ASH1L: variants seen among roughly 807,000 people sequenced by gnomAD.
ASH1L encodes ASH1 like histone lysine methyltransferase.
In ASH1L, 23 loss-of-function variants were observed where a neutral mutation model predicts 269.0. That is an observed-to-expected ratio of 0.09 (90% CI 0.06 to 0.12). The LOEUF (loss-of-function observed/expected upper bound fraction) is 0.12, where lower values mean the gene tolerates loss of function less well. ASH1L is among the 10% of genes least tolerant of loss of function. The probability of loss-of-function intolerance (pLI) is 1.00; values close to 1 mark genes in which losing one functional copy is unlikely to be tolerated. For missense variants in ASH1L, 2,912 were observed against 3,567.8 expected (o/e 0.82, Z 4.68); for synonymous variants, 1,187 against 1,253.5 (o/e 0.95, Z 1.12).
At chr1:155,433,089 A>C in intron 5 of ASH1L, 1 of 1,285,036 alleles carries the variant, frequency 7.8e-7, no homozygotes, top group Non-Finnish European at 1.1e-6. Flanking sequence ...TTAAACTGCT[A>C]TGACAGAGAT....
intron 1 of ASH1L, among the ~76,000 whole-genome samples, chr1:155,532,305 G>A (rs77089794): frequency 0.058 from 8,769 of 152,030 alleles, 853 homozygotes; most frequent in African/African-American, 0.2. Flanking sequence ...CTAACCATAT[G>A]TTTTTTAAAA....
chr1:155,432,318 T>C (rs1332518125), intron 5 of ASH1L, among the ~76,000 whole-genome samples: 1 of 152,162 alleles, frequency 6.6e-6, no homozygotes, highest in Non-Finnish European at 1.5e-5. Context: ...ACTAAGTTAG[T>C]TATTTCTATT....
At chr1:155,444,487 T>C (rs939397075) in intron 4 of ASH1L, among the ~76,000 whole-genome samples, 1 of 152,236 alleles carries the variant, frequency 6.6e-6, no homozygotes, top group African/African-American at 2.4e-5. Context: ...ATGTTGAGCA[T>C]ATTTTCATGA....
At chr1:155,510,363 G>A (rs1242395765) in intron 2 of ASH1L, among the ~76,000 whole-genome samples, 1 of 139,212 alleles carries the variant, frequency 7.2e-6, no homozygotes, top group African/African-American at 2.7e-5. Flanking sequence ...GTAGTGAGCC[G>A]AGATCGCACC....
At chr1:155,517,116 G>C (rs1168098187) in intron 2 of ASH1L, among the ~76,000 whole-genome samples, 2 of 152,122 alleles carry the variant, frequency 1.3e-5, no homozygotes, top group East Asian at 3.9e-4. Context: ...AATCCATATG[G>C]AATCTCAAGG....
chr1:155,378,033 C>A (rs889137357), intron 10 of ASH1L, among the ~76,000 whole-genome samples: 17 of 150,076 alleles, frequency 1.1e-4, no homozygotes, highest in Admixed American at 8.6e-4. Context: ...AAAAAAAAAA[C>A]AAAACAAAAC....
At chr1:155,456,961 A>G (rs1213771456) in intron 4 of ASH1L, among the ~76,000 whole-genome samples, 1 of 152,204 alleles carries the variant, frequency 6.6e-6, no homozygotes, top group Non-Finnish European at 1.5e-5. Flanking sequence ...ACTGAAACTG[A>G]GAAGTAACAT....
intron 1 of ASH1L, among the ~76,000 whole-genome samples, chr1:155,547,278 T>A (rs1670896463): frequency 2.8e-5 from 4 of 143,426 alleles, no homozygotes; most frequent in African/African-American, 7.7e-5. Context: ...AACTACCATT[T>A]AAAAAAAAAA....
At chr1:155,558,604 C>T (rs116372041) in intron 1 of ASH1L, among the ~76,000 whole-genome samples, 3,104 of 152,222 alleles carry the variant, frequency 0.02, 104 homozygotes, top group African/African-American at 0.071. Context: ...AGTGCAGTAG[C>T]ACCACCATAG....
intron 12 of ASH1L, among the ~76,000 whole-genome samples, chr1:155,364,074 G>A (rs1379661772): frequency 2.0e-5 from 3 of 151,746 alleles, no homozygotes; most frequent in East Asian, 1.9e-4. Context: ...AATGAGGATC[G>A]CTTGAGCCCA....
chr1:155,561,957 G>A (rs1672003118), intron 1 of ASH1L, 196 bp downstream of exon 1: 1 of 516,730 alleles, frequency 1.9e-6, no homozygotes, highest in East Asian at 3.4e-5. Flanking sequence ...TGCCTGTCAG[G>A]GACACCCCTT....
At chr1:155,345,237 G>A (rs2148328256) in intron 21 of ASH1L, among the ~76,000 whole-genome samples, 1 of 129,342 alleles carries the variant, frequency 7.7e-6, no homozygotes, top group South Asian at 2.6e-4. Flanking sequence ...CTAGAGTGCA[G>A]TGGCGTGATC....
intron 1 of ASH1L, among the ~76,000 whole-genome samples, chr1:155,525,102 C>T (rs1004393806): frequency 4.0e-5 from 6 of 151,824 alleles, no homozygotes; most frequent in Non-Finnish European, 8.8e-5. Flanking sequence ...AAAAAATTAG[C>T]CCAGCATGGT....
chr1:155,360,379 G>C lies in ASH1L; in HGVS notation c.6717C>G (p.Leu2239=), dbSNP rs555295173. 1.9e-6 allele frequency: 3 copies of C among 1,612,384 alleles called. No homozygotes were observed. Among genetic ancestry groups the C allele is most frequent in the Non-Finnish European group, 2.5e-6 (3 of 1,178,620 alleles). The part of the protein sequence containing the change: ...WSVNGVYRIG[L]YALKDMPAGT... ...CAGCTGGCATGTCTTTAAGAGCATA[G>C]AGTCCAATCCGGTATACTCCATTAA... Residue 2239 remains leucine, a synonymous_variant, in exon 13 of 28, where the codon CTC becomes CTG. Coordinates refer to ENST00000392403, the MANE Select transcript of ASH1L (RefSeq NM_018489.3).
In ASH1L at chr1:155,530,641, CAGG is replaced by C. The variant is rs1221671528; in HGVS notation, c.-99-9026_-99-9024del. On this transcript the variant is annotated intron_variant, in intron 1 of 27. Coordinates refer to ENST00000392403, the MANE Select transcript of ASH1L (RefSeq NM_018489.3). ...ATCTCAGCTACTCAGGAGGTTGAGG[CAGG>C]AGAACTGTTTGAACACAGGAGGTGG... Among the ~76,000 whole-genome samples the C allele has an allele frequency of 4.0e-5, 6 of 150,200 alleles. 1 individual carries two copies. Among genetic ancestry groups the C allele is most frequent in the Non-Finnish European group, 8.9e-5 (6 of 67,718 alleles).
intron 2 of ASH1L, among the ~76,000 whole-genome samples, chr1:155,486,374 C>T (rs1666327326): frequency 6.6e-6 from 1 of 151,742 alleles, no homozygotes; most frequent in Admixed American, 6.6e-5. Context: ...ACACTTTCTT[C>T]ACATTATATT....
chr1:155,483,946 T>C (rs1666130091), intron 2 of ASH1L, among the ~76,000 whole-genome samples: 1 of 152,154 alleles, frequency 6.6e-6, no homozygotes, highest in Admixed American at 6.5e-5. Context: ...TGCTATGCCT[T>C]ATACATATAA....
In ASH1L at chr1:155,438,475, T is replaced by C. The variant is rs772198340; in HGVS notation, c.5680A>G (p.Thr1894Ala). 4 of 1,613,966 alleles carry C rather than the reference T, an allele frequency of 2.5e-6. No individual in the cohort carries two copies. In the South Asian group the frequency reaches 3.3e-5, roughly 13 times the overall value. ...TGAACAACAGCCTCAATTACATCTGTAACTGTGTCAGGACTGAGGTGCAGT... is the reference window on the plus strand; with the variant it reads ...TGAACAACAGCCTCAATTACATCTGCAACTGTGTCAGGACTGAGGTGCAGT... ...AALHLSPDTV[T>A]DVIEAVVQSV... Residue 1894 changes from threonine (T) to alanine (A), a missense_variant, in exon 5 of 28, where the codon ACA becomes GCA. Transcript: ENST00000392403.
At chr1:155,415,614 T>C (rs968852379) in intron 6 of ASH1L, 130 bp downstream of exon 6, 6 of 1,039,636 alleles carry the variant, frequency 5.8e-6, no homozygotes, top group Non-Finnish European at 8.6e-6. Flanking sequence ...GCGTACCTCA[T>C]ACATGAGTGC....
Sources: allele counts gnomAD v4.1 joint callset (sites outside exome capture counted in the v4.1 genomes callset), GRCh38; gene constraint gnomAD v4.1.1; transcripts MANE v1.5; gene names NCBI Gene and HGNC (gene_info 2026-07-23, HGNC 2026-07-21).